USP42: variants seen among roughly 807,000 people sequenced by gnomAD.
USP42 encodes the protein ubiquitin carboxyl-terminal hydrolase 42.
USP42 carries 23 observed loss-of-function variants against 113.0 expected under a neutral mutation model. The observed-to-expected ratio is 0.20, with a 90% confidence interval of 0.15 to 0.29. The LOEUF (loss-of-function observed/expected upper bound fraction) is 0.29. Among genes scored for constraint, USP42 ranks in the 10% least tolerant of loss-of-function variants. The probability of loss-of-function intolerance (pLI) is 1.00; values close to 1 mark genes in which losing one functional copy is unlikely to be tolerated. For missense variants in USP42, 2,174 were observed against 1,779.8 expected (o/e 1.22, Z -3.99); for synonymous variants, 933 against 699.0 (o/e 1.33, Z -5.28).
the USP42 span, among the ~76,000 whole-genome samples, chr7:6,092,653 G>A: frequency 6.6e-6 from 1 of 151,202 alleles, no homozygotes. Context: ...TCTCTGGAAA[G>A]TAGGCACAGC....
the USP42 span, among the ~76,000 whole-genome samples, chr7:6,083,877 C>G: frequency 4.0e-5 from 6 of 151,070 alleles, no homozygotes; most frequent in Admixed American, 1.3e-4. Flanking sequence ...ATTCTGGGGT[C>G]TCTAGCAAGG....
rs900726274 is a variant in USP42, at chr7:6,130,888, C to T, written c.443-4953C>T. On this transcript the variant is annotated intron_variant, in intron 3 of 17. Coordinates refer to ENST00000306177, the MANE Select transcript of USP42 (RefSeq NM_032172.3). ...GGAAGGCATTATTGGCCAGAGCCTTCGTTGAGGTTTCCGTGGGAAAAGCAG... is the reference window on the plus strand; with the variant it reads ...GGAAGGCATTATTGGCCAGAGCCTTTGTTGAGGTTTCCGTGGGAAAAGCAG... Among the ~76,000 whole-genome samples the T allele has an allele frequency of 3.3e-5, 5 of 152,134 alleles. No homozygotes were observed. The South Asian group carries it at 6.2e-4, about 19-fold the overall frequency.
Position 6,158,560 on chromosome 7 carries a change from C to G in USP42, c.3944-890C>G, listed in dbSNP as rs1221882469. ...GGTCCTTAGAGTGTGTGAGAGAGAGCTGGGGGTTGCGGGGTGAGCCCCATG... is the reference window on the plus strand; with the variant it reads ...GGTCCTTAGAGTGTGTGAGAGAGAGGTGGGGGTTGCGGGGTGAGCCCCATG... On this transcript the variant is annotated intron_variant, in intron 16 of 17. Transcript: ENST00000306177. The surrounding 1 kb of genome is among the most constrained non-coding windows in gnomAD (Gnocchi z 4.2). Among the ~76,000 whole-genome samples, 1 of 152,148 alleles carries G rather than the reference C, an allele frequency of 6.6e-6. No individual in the cohort carries two copies. Among genetic ancestry groups the G allele is most frequent in the East Asian group, 1.9e-4 (1 of 5,182 alleles).
chr7:6,093,646 A>T, the USP42 span, among the ~76,000 whole-genome samples: 116 of 89,960 alleles, frequency 1.3e-3, no homozygotes, highest in Admixed American at 3.4e-3. Context: ...TCCTTTCCTT[A>T]CCTCTTTCTT....
Position 6,146,514 on chromosome 7 carries a change from A to G in USP42, c.1232+266A>G, listed in dbSNP as rs1260706737. Among the ~76,000 whole-genome samples the G allele has an allele frequency of 2.0e-5, 3 of 152,188 alleles. No homozygotes were observed. In the East Asian group the frequency reaches 5.8e-4, roughly 29 times the overall value. On this transcript the variant is annotated intron_variant, in intron 11 of 17. Coordinates refer to ENST00000306177, the MANE Select transcript of USP42 (RefSeq NM_032172.3). ...CCACATGTCTACAAAATACGAAAAAATTAGCCAGGTGTGGTGTTGTGGGCC... is the reference window on the plus strand; with the variant it reads ...CCACATGTCTACAAAATACGAAAAAGTTAGCCAGGTGTGGTGTTGTGGGCC...
rs575355820 is a variant in USP42 at position 6,121,941 on chromosome 7, C to G, written c.442+6418C>G. Among the ~76,000 whole-genome samples, 4 of 152,306 alleles carry G rather than the reference C, an allele frequency of 2.6e-5. No homozygotes were observed. In the South Asian group the frequency reaches 8.3e-4, roughly 32 times the overall value. Reference sequence around the variant, plus strand: ...CTCCAAAAGTGCTAGGATTATACCACCATACCCAGCTTTCTGTCTCCTTTT... The same window carrying G: ...CTCCAAAAGTGCTAGGATTATACCAGCATACCCAGCTTTCTGTCTCCTTTT... On this transcript the variant is annotated intron_variant, in intron 3 of 17. Coordinates refer to ENST00000306177, the MANE Select transcript of USP42 (RefSeq NM_032172.3).
intron 3 of USP42, among the ~76,000 whole-genome samples, chr7:6,130,817 C>T (rs1189517587): frequency 3.3e-5 from 5 of 152,134 alleles, no homozygotes; most frequent in African/African-American, 1.2e-4. Context: ...TCACAGGGCA[C>T]ACCATGCAGG....
At position 6,159,416 on chromosome 7, in the gene USP42, C is replaced by G. The variant is rs1389814863; in HGVS notation, c.3944-34C>G. The G allele has an allele frequency of 1.2e-6, 2 of 1,613,854 alleles. No individual in the cohort carries two copies. Among genetic ancestry groups the G allele is most frequent in the East Asian group, 2.2e-5 (1 of 44,878 alleles). On this transcript the variant is annotated intron_variant, in intron 16 of 17. Transcript: ENST00000306177. This position sits in a 1 kb window ranked among gnomAD's most constrained non-coding sequence, Gnocchi z 4.1. ...GAGGCCCTGGCGATTTTGCAACCAT[C>G]ATTAAAATCTCTTTCCTGACCTTTG...
At chr7:6,089,590 G>A in the USP42 span, among the ~76,000 whole-genome samples, 1 of 145,836 alleles carries the variant, frequency 6.9e-6, no homozygotes. Context: ...TGGAGTGCAA[G>A]GGTGCGATCT....
In USP42 at chr7:6,115,489, C is replaced by T; in HGVS notation, c.408C>T (p.Ala136=). 6.2e-7 allele frequency: 1 copy of T among 1,614,060 alleles called. No individual in the cohort carries two copies. Among genetic ancestry groups the T allele is most frequent in the Non-Finnish European group, 8.5e-7 (1 of 1,179,902 alleles). ...LQCLTYTPPL[A]NYMLSHEHSK... is the part of the protein sequence containing the mutation. ...GTTTAACCTACACACCACCTCTTGC[C>T]AATTACATGCTATCACATGAACACT... Residue 136 remains alanine, a synonymous_variant, in exon 3 of 18, where the codon GCC becomes GCT. Transcript: ENST00000306177.
chr7:6,092,100 CTCT>C, the USP42 span, among the ~76,000 whole-genome samples: 2,798 of 107,136 alleles, frequency 0.026, 260 homozygotes, highest in African/African-American at 0.078. Context: ...CTTCTTCCTC[CTCT>C]TCTTCTTCTT....
chr7:6,132,671 G>T (rs1247888055), intron 3 of USP42, among the ~76,000 whole-genome samples: 1 of 149,530 alleles, frequency 6.7e-6, no homozygotes, highest in Non-Finnish European at 1.5e-5. Context: ...GTAATGTTTT[G>T]TTTGTTTGTT....
Position 6,157,993 on chromosome 7 carries a change from C to T in USP42, c.3943+938C>T, listed in dbSNP as rs1235623557. Among the ~76,000 whole-genome samples the T allele has an allele frequency of 6.6e-6, 1 of 152,210 alleles. No homozygotes were observed. Among genetic ancestry groups the T allele is most frequent in the African/African-American group, 2.4e-5 (1 of 41,452 alleles). Reference sequence around the variant, plus strand: ...GAGCCTGTTAGAAGCGGATGTCACTCGAGTCAGTGGACCTAGAGCGGAGGC... The same window carrying T: ...GAGCCTGTTAGAAGCGGATGTCACTTGAGTCAGTGGACCTAGAGCGGAGGC... On this transcript the variant is annotated intron_variant, in intron 16 of 17. Coordinates refer to ENST00000306177, the MANE Select transcript of USP42 (RefSeq NM_032172.3). This position sits in a 1 kb window ranked among gnomAD's most constrained non-coding sequence, Gnocchi z 4.1.
At chr7:6,116,116 A>AG (rs2128481670) in intron 3 of USP42, among the ~76,000 whole-genome samples, 1 of 151,580 alleles carries the variant, frequency 6.6e-6, no homozygotes, top group East Asian at 1.9e-4. Flanking sequence ...AAAAAAAAAA[A>AG]AAAAACGTCT....
At chr7:6,133,417 A>G (rs889998087) in intron 3 of USP42, among the ~76,000 whole-genome samples, 3 of 151,988 alleles carry the variant, frequency 2.0e-5, no homozygotes, top group African/African-American at 4.8e-5. Flanking sequence ...TTTATTATGG[A>G]TATTTTCTAC....
the USP42 span, among the ~76,000 whole-genome samples, chr7:6,099,156 T>C: frequency 6.7e-6 from 1 of 149,084 alleles, no homozygotes; most frequent in African/African-American, 2.5e-5. Context: ...CTCTGCTCTC[T>C]GGCTTTCTCA....
rs537476277 is a variant in USP42, at chr7:6,113,720, C to T, written c.242-1603C>T. 7.2e-5 allele frequency among the ~76,000 whole-genome samples: 11 copies of T among 152,174 alleles called. No homozygotes were observed. The East Asian group carries it at 2.1e-3, about 29-fold the overall frequency. Reference sequence around the variant, plus strand: ...CACTGCAACCTCCGCCTCCCGGGTTCACACCATTCTCCTGCCTCAGCCTCC... The same window carrying T: ...CACTGCAACCTCCGCCTCCCGGGTTTACACCATTCTCCTGCCTCAGCCTCC... On this transcript the variant is annotated intron_variant, in intron 2 of 17. Transcript: ENST00000306177.
At chr7:6,150,543 ATAG>A (rs1781986680) in intron 14 of USP42, 37 bp downstream of exon 14, 1 of 1,578,440 alleles carries the variant, frequency 6.3e-7, no homozygotes, top group Non-Finnish European at 8.7e-7. Flanking sequence ...GTGTGGCAGC[ATAG>A]TAGGAAATCC....
intron 1 of USP42, among the ~76,000 whole-genome samples, chr7:6,108,476 C>G (rs1779414150): frequency 6.6e-6 from 1 of 152,052 alleles, no homozygotes; most frequent in African/African-American, 2.4e-5. Flanking sequence ...CTTTTTTGTA[C>G]TTTTACAGTA....
Sources: allele counts gnomAD v4.1 joint callset (sites outside exome capture counted in the v4.1 genomes callset), GRCh38; gene constraint gnomAD v4.1.1; non-coding constraint Gnocchi (gnomAD v3.1); transcripts MANE v1.5; gene names NCBI Gene and HGNC (gene_info 2026-07-23, HGNC 2026-07-21).